Variants in CHRNA7 observed in about 807,000 individuals in gnomAD.
The protein encoded by CHRNA7 is cholinergic receptor nicotinic alpha 7 subunit, also known as neuronal acetylcholine receptor subunit alpha-7.
In CHRNA7, 17 loss-of-function variants were observed where a neutral mutation model predicts 48.0. The observed-to-expected ratio is 0.35, with a 90% CI of 0.24 to 0.53. The LOEUF is 0.53. Ranked by LOEUF, CHRNA7 falls within the 20% of genes least tolerant of loss-of-function variation. The pLI is 0.92. For synonymous variants in CHRNA7, 75 were observed against 242.3 expected, an observed-to-expected ratio of 0.31 and a Z score of 6.41; for missense variants, 155 against 577.7, an observed-to-expected ratio of 0.27 and a Z score of 7.50.
intron 2 of CHRNA7, 96 bp from the exon 3 acceptor site, chr15:32,101,207 C>T (rs1387417306): frequency 6.9e-5 from 90 of 1,311,800 alleles, no homozygotes; most frequent in Admixed American, 1.0e-4. Flanking sequence ...CACACAACAA[C>T]GCTCTCGACA....
At chr15:32,091,109 T>C (rs371998039) in intron 2 of CHRNA7, among the ~76,000 whole-genome samples, 44 of 152,192 alleles carry the variant, frequency 2.9e-4, no homozygotes, top group Admixed American at 3.9e-4. Context: ...TTTTTACCCC[T>C]AGAATATCTT....
At chr15:32,131,688 C>T (rs2051159427) in intron 4 of CHRNA7, among the ~76,000 whole-genome samples, 2 of 152,318 alleles carry the variant, frequency 1.3e-5, no homozygotes, top group African/African-American at 4.8e-5. Flanking sequence ...CTAATTTTCT[C>T]TTCTCATTAA....
chr15:32,096,895 G>A (rs1220738076), intron 2 of CHRNA7, among the ~76,000 whole-genome samples: 1 of 152,218 alleles, frequency 6.6e-6, no homozygotes, highest in Non-Finnish European at 1.5e-5. Context: ...GCGTTGACTC[G>A]AGGGTGCCTT....
intron 4 of CHRNA7, among the ~76,000 whole-genome samples, chr15:32,131,671 G>T (rs2051159239): frequency 6.6e-6 from 1 of 152,034 alleles, no homozygotes; most frequent in Admixed American, 6.5e-5. Context: ...ATCTGTTTTG[G>T]CATCTGCTAA....
At chr15:32,081,649 CCCTTTATCCTCTCCTGTAGTTA>C (rs1372047378) in intron 2 of CHRNA7, among the ~76,000 whole-genome samples, 3 of 152,086 alleles carry the variant, frequency 2.0e-5, no homozygotes, top group African/African-American at 7.2e-5. Flanking sequence ...AACTTTACCT[CCCTTTATCCTCTCCTGTAGTTA>C]CCTTTACTAT....
intron 2 of CHRNA7, among the ~76,000 whole-genome samples, chr15:32,087,285 T>C (rs2050313007): frequency 6.6e-6 from 1 of 152,254 alleles, no homozygotes; most frequent in Admixed American, 6.5e-5. Flanking sequence ...TTAAATTTGC[T>C]GCAGTATCCC....
At chr15:32,142,567 A>G (rs866669125) in intron 4 of CHRNA7, among the ~76,000 whole-genome samples, 1 of 152,110 alleles carries the variant, frequency 6.6e-6, no homozygotes, top group East Asian at 1.9e-4. Context: ...TTGGGTTGGT[A>G]GGCTATTAAT....
intron 3 of CHRNA7, among the ~76,000 whole-genome samples, chr15:32,105,063 A>G (rs1197712653): frequency 6.6e-6 from 1 of 152,236 alleles, no homozygotes; most frequent in Non-Finnish European, 1.5e-5. Flanking sequence ...ATGCTCCACA[A>G]ATAAACATCC....
intron 4 of CHRNA7, among the ~76,000 whole-genome samples, chr15:32,113,602 G>A (rs896953058): frequency 6.6e-6 from 1 of 152,114 alleles, no homozygotes; most frequent in Non-Finnish European, 1.5e-5. Flanking sequence ...CACAGAGTTC[G>A]GAGGATCGCT....
At chr15:32,036,388 G>A (rs973834629) in intron 2 of CHRNA7, among the ~76,000 whole-genome samples, 2 of 152,210 alleles carry the variant, frequency 1.3e-5, no homozygotes, top group Non-Finnish European at 2.9e-5. Flanking sequence ...TAAAGCTGCT[G>A]TAAGCATCTT....
chr15:32,142,119 T>G (rs1328966988), intron 4 of CHRNA7, among the ~76,000 whole-genome samples: 1 of 152,242 alleles, frequency 6.6e-6, no homozygotes, highest in African/African-American at 2.4e-5. Flanking sequence ...ATTGAGAGTT[T>G]TTAGCATGAA....
chr15:32,139,362 C>G (rs1331785633), intron 4 of CHRNA7, among the ~76,000 whole-genome samples: 1 of 152,214 alleles, frequency 6.6e-6, no homozygotes, highest in African/African-American at 2.4e-5. Flanking sequence ...GTTTTCTGCT[C>G]CTTTGGATAA....
intron 3 of CHRNA7, chr15:32,102,696 G>A (rs548893167): frequency 1.3e-5 from 2 of 152,274 alleles, no homozygotes; most frequent in Non-Finnish European, 2.9e-5. Flanking sequence ...TGTATCCACA[G>A]ATGACTTTTT....
At chr15:32,055,954 G>T (rs1013818168) in intron 2 of CHRNA7, among the ~76,000 whole-genome samples, 4 of 151,978 alleles carry the variant, frequency 2.6e-5, no homozygotes, top group Non-Finnish European at 5.9e-5. Context: ...ACTCCAGCCT[G>T]GGTGACAGAG....
At chr15:32,031,567 T>A (rs938893388) in intron 2 of CHRNA7, among the ~76,000 whole-genome samples, 1 of 152,222 alleles carries the variant, frequency 6.6e-6, no homozygotes, top group Non-Finnish European at 1.5e-5. Flanking sequence ...ATCTTAGGAA[T>A]GGGCATGCTT....
chr15:32,137,130 A>T (rs1366338820), intron 4 of CHRNA7, among the ~76,000 whole-genome samples: 1 of 152,070 alleles, frequency 6.6e-6, no homozygotes, highest in East Asian at 1.9e-4. Context: ...GTAGAAATGA[A>T]AACAAATATT....
chr15:32,120,290 G>A (rs918399616), intron 4 of CHRNA7, among the ~76,000 whole-genome samples: 9 of 152,068 alleles, frequency 5.9e-5, no homozygotes, highest in Non-Finnish European at 1.0e-4. Flanking sequence ...AAGTTAAAAA[G>A]CAGAGAGATC....
chr15:32,048,588 C>G (rs941288577), intron 2 of CHRNA7, among the ~76,000 whole-genome samples: 3 of 152,104 alleles, frequency 2.0e-5, no homozygotes, highest in African/African-American at 7.2e-5. Flanking sequence ...TGCTAGCGGT[C>G]TATCAATTTT....
intron 2 of CHRNA7, among the ~76,000 whole-genome samples, chr15:32,031,544 T>G (rs1033348400): frequency 5.9e-5 from 9 of 152,202 alleles, no homozygotes; most frequent in Non-Finnish European, 1.2e-4. Flanking sequence ...CTGTGAACTT[T>G]CACTGTGACC....
Sources: gnomAD v4.1 joint callset for allele counts (sites outside exome capture counted in the v4.1 genomes callset) on GRCh38, gnomAD v4.1.1 for gene constraint, MANE v1.5 for transcripts, NCBI Gene and HGNC (gene_info 2026-07-23, HGNC 2026-07-21) for gene names.